Variants in PTP4A3 observed in about 807,000 individuals in gnomAD.
PTP4A3 encodes the protein protein tyrosine phosphatase type IVA 3.
A neutral mutation model predicts 15.2 loss-of-function variants in PTP4A3; 9 were observed. That is an observed-to-expected ratio of 0.59 (90% CI 0.36 to 1.03). PTP4A3 has a LOEUF of 1.03. Among genes scored for constraint, PTP4A3 ranks in the 50% least tolerant of loss-of-function variants. PTP4A3 has a pLI of 0.02. For missense variants in PTP4A3, 234 were observed against 252.1 expected, an observed-to-expected ratio of 0.93 and a Z score of 0.49; for synonymous variants, 95 against 102.0, an observed-to-expected ratio of 0.93 and a Z score of 0.41.
intron 1 of PTP4A3, among the ~76,000 whole-genome samples, chr8:141,416,170 G>T (rs528868616): frequency 7.9e-5 from 12 of 152,224 alleles, no homozygotes; most frequent in African/African-American, 2.9e-4. Flanking sequence ...CACAGAGCTT[G>T]ATGGGAACTT....
At chr8:141,422,441 C>T (rs994587522) in intron 2 of PTP4A3, 96 bp downstream of exon 2, 35 of 1,352,222 alleles carry the variant, frequency 2.6e-5, no homozygotes, top group South Asian at 6.0e-5. Context: ...TCCCCAGCCC[C>T]GGCTGGCCAG....
intron 1 of PTP4A3, among the ~76,000 whole-genome samples, chr8:141,420,917 G>T (rs1833299832): frequency 6.6e-6 from 1 of 152,246 alleles, no homozygotes; most frequent in South Asian, 2.1e-4. Flanking sequence ...AGACACCTGG[G>T]CTCAGATGTT....
At chr8:141,397,988 C>T (rs888369091) in intron 1 of PTP4A3, among the ~76,000 whole-genome samples, 5 of 152,166 alleles carry the variant, frequency 3.3e-5, no homozygotes, top group Non-Finnish European at 7.3e-5. Flanking sequence ...GGACAGTCAG[C>T]GCAGGCGGAG....
rs143354433 is a variant in PTP4A3 at position 141,417,776 on chromosome 8, C to T, written c.-853-3612C>T. 4.1e-3 allele frequency among the ~76,000 whole-genome samples: 621 copies of T among 152,138 alleles called. 2 individuals are homozygous for T. The highest frequency in any genetic ancestry group is 9.3e-3 in the South Asian group (45 of 4,832). Reference sequence around the variant, plus strand: ...TCCCCGCGCCCGCCCTGCGCGGCCCCTTTGTTTCCCGGGCAGGGCGCGGCT... The same window carrying T: ...TCCCCGCGCCCGCCCTGCGCGGCCCTTTTGTTTCCCGGGCAGGGCGCGGCT... On this transcript the variant is annotated intron_variant, in intron 1 of 5. Coordinates refer to ENST00000521578, the MANE Select transcript of PTP4A3 (RefSeq NM_032611.3).
intron 1 of PTP4A3, among the ~76,000 whole-genome samples, chr8:141,403,474 A>C (rs1475368136): frequency 6.6e-6 from 1 of 152,190 alleles, no homozygotes; most frequent in Admixed American, 6.5e-5. Flanking sequence ...CATCATCCAT[A>C]AGTTCTTGGA....
chr8:141,417,023 C>A (rs1833083685), intron 1 of PTP4A3, among the ~76,000 whole-genome samples: 1 of 152,152 alleles, frequency 6.6e-6, no homozygotes, highest in African/African-American at 2.4e-5. Flanking sequence ...AGGGCGGGCA[C>A]AGAGTGGGTG....
At chr8:141,414,295 C>T (rs1832955462) in intron 1 of PTP4A3, among the ~76,000 whole-genome samples, 2 of 152,162 alleles carry the variant, frequency 1.3e-5, no homozygotes, top group African/African-American at 4.8e-5. Context: ...TACAATAATC[C>T]CCTGAGATTT....
chr8:141,392,877 C>A (rs1832330128), intron 1 of PTP4A3, among the ~76,000 whole-genome samples: 1 of 152,210 alleles, frequency 6.6e-6, no homozygotes, highest in African/African-American at 2.4e-5. Flanking sequence ...GAGGTCCAGG[C>A]TAGCTGGTCA....
At chr8:141,430,161 T>A (rs1833790304) in intron 5 of PTP4A3, among the ~76,000 whole-genome samples, 1 of 137,166 alleles carries the variant, frequency 7.3e-6, no homozygotes, top group African/African-American at 2.8e-5. Flanking sequence ...GGGGACAGGG[T>A]GAGCACACAG....
intron 1 of PTP4A3, among the ~76,000 whole-genome samples, chr8:141,419,278 T>C (rs1426264693): frequency 6.6e-6 from 1 of 152,124 alleles, no homozygotes. Context: ...CAGCTGTAGG[T>C]GTGAGGGGTT....
intron 5 of PTP4A3, among the ~76,000 whole-genome samples, chr8:141,430,067 C>T (rs1833778014): frequency 7.7e-6 from 1 of 130,228 alleles, no homozygotes; most frequent in African/African-American, 3.3e-5. Context: ...GGTGAGCGCA[C>T]AGTCCGGGTC....
intron 1 of PTP4A3, among the ~76,000 whole-genome samples, chr8:141,416,421 GA>G (rs1428550308): frequency 2.0e-5 from 3 of 152,186 alleles, no homozygotes; most frequent in Non-Finnish European, 2.9e-5. Context: ...CTTGCTTGTG[GA>G]ATGCAGTGTC....
At chr8:141,402,757 T>C (rs1009323378) in intron 1 of PTP4A3, among the ~76,000 whole-genome samples, 7 of 144,176 alleles carry the variant, frequency 4.9e-5, no homozygotes, top group Non-Finnish European at 1.1e-4. Flanking sequence ...CGCTTTCTCA[T>C]CCCTTTAGAA....
At chr8:141,414,848 G>T (rs1247015599) in intron 1 of PTP4A3, among the ~76,000 whole-genome samples, 1 of 151,996 alleles carries the variant, frequency 6.6e-6, no homozygotes, top group African/African-American at 2.4e-5. Flanking sequence ...CGAGGGCTCC[G>T]CCCCCTCCTG....
chr8:141,418,410 CT>C (rs1406762934), intron 1 of PTP4A3, among the ~76,000 whole-genome samples: 1 of 152,210 alleles, frequency 6.6e-6, no homozygotes, highest in Non-Finnish European at 1.5e-5. Context: ...TTGTTCCTGC[CT>C]CCTAGATTTG....
At chr8:141,427,416 C>G (rs374888116) in intron 4 of PTP4A3, among the ~76,000 whole-genome samples, 4 of 151,964 alleles carry the variant, frequency 2.6e-5, no homozygotes, top group Non-Finnish European at 5.9e-5. Context: ...CAGCTGGGAT[C>G]GGATGACATG....
rs1413929491 is a variant in PTP4A3, at chr8:141,422,184, G to A, written c.-57G>A. ...GGGGTGTGTGGGGACTTCTCAGGTCGTGTCCCCAGCCTTCTCTGCAGTCCC... is the reference window on the plus strand; with the variant it reads ...GGGGTGTGTGGGGACTTCTCAGGTCATGTCCCCAGCCTTCTCTGCAGTCCC... On this transcript the variant is annotated 5_prime_UTR_variant, in exon 2 of 6. The change creates a new upstream start codon in the 5' untranslated region. Transcript: ENST00000521578. 17 of 1,548,508 alleles carry A rather than the reference G, an allele frequency of 1.1e-5. No individual in the cohort carries two copies. Among genetic ancestry groups the A allele is most frequent in the East Asian group, 6.8e-5 (3 of 44,428 alleles).
At chr8:141,414,842 G>A (rs553022515) in intron 1 of PTP4A3, among the ~76,000 whole-genome samples, 2 of 152,158 alleles carry the variant, frequency 1.3e-5, no homozygotes, top group South Asian at 2.1e-4. Flanking sequence ...GAGGTACGAG[G>A]GCTCCGCCCC....
At chr8:141,415,963 G>C (rs919824281) in intron 1 of PTP4A3, among the ~76,000 whole-genome samples, 1 of 151,992 alleles carries the variant, frequency 6.6e-6, no homozygotes, top group African/African-American at 2.4e-5. Flanking sequence ...CGCTCTGGGA[G>C]GATTCCAGGA....
Sources: allele counts gnomAD v4.1 joint callset (sites outside exome capture counted in the v4.1 genomes callset), GRCh38; gene constraint gnomAD v4.1.1; transcripts MANE v1.5; gene names NCBI Gene and HGNC (gene_info 2026-07-23, HGNC 2026-07-21).